Variants in MAF observed in about 807,000 individuals in gnomAD.
The protein encoded by MAF is MAF bZIP transcription factor.
Under a neutral mutation model 22.0 loss-of-function variants are expected in MAF, and 10 were observed. The observed-to-expected ratio is 0.45, with a 90% CI of 0.28 to 0.77. The LOEUF is 0.77. Among genes scored for constraint, MAF ranks in the 30% least tolerant of loss-of-function variants. MAF has a pLI of 0.12. For missense variants in MAF, 544 were observed against 548.4 expected, an observed-to-expected ratio of 0.99 and a Z score of 0.08; for synonymous variants, 337 against 255.8, an observed-to-expected ratio of 1.32 and a Z score of -3.03.
the MAF span, among the ~76,000 whole-genome samples, chr16:79,446,928 A>C: frequency 6.6e-6 from 1 of 152,192 alleles, no homozygotes; most frequent in Non-Finnish European, 1.5e-5. Flanking sequence ...GAAAAATTAA[A>C]AAAAAGAGAG....
the MAF span, among the ~76,000 whole-genome samples, chr16:79,502,718 T>TATAC: frequency 5.5e-5 from 1 of 18,160 alleles, no homozygotes; most frequent in Non-Finnish European, 1.5e-4. Flanking sequence ...AATATATATA[T>TATAC]ATATATATAT....
At chr16:79,208,319 C>G in the MAF span, among the ~76,000 whole-genome samples, 1 of 152,100 alleles carries the variant, frequency 6.6e-6, no homozygotes, top group South Asian at 2.1e-4. Flanking sequence ...TAGACACCTC[C>G]CCCGTTTCCC....
downstream of MAF, among the ~76,000 whole-genome samples, chr16:79,581,898 C>G (rs553593074): frequency 4.6e-5 from 7 of 152,330 alleles, no homozygotes; most frequent in South Asian, 1.5e-3. Context: ...CTGTAAATCT[C>G]TCAGCTGGTT....
chr16:79,223,290 A>G, the MAF span, among the ~76,000 whole-genome samples: 1 of 152,250 alleles, frequency 6.6e-6, no homozygotes, highest in African/African-American at 2.4e-5. Flanking sequence ...AAATGAAGAC[A>G]GAAATAAAGT....
the MAF span, among the ~76,000 whole-genome samples, chr16:79,454,786 C>A: frequency 6.7e-6 from 1 of 150,306 alleles, no homozygotes; most frequent in Non-Finnish European, 1.5e-5. Flanking sequence ...AACATGATTC[C>A]ATTTTTACCC....
the MAF span, among the ~76,000 whole-genome samples, chr16:79,460,132 G>A: frequency 2.0e-5 from 3 of 151,928 alleles, no homozygotes; most frequent in Admixed American, 6.6e-5. Flanking sequence ...ATTTTCGAAA[G>A]TGTTGCAAAT....
the MAF span, among the ~76,000 whole-genome samples, chr16:79,233,919 G>C: frequency 6.6e-6 from 1 of 151,210 alleles, no homozygotes; most frequent in African/African-American, 2.4e-5. Flanking sequence ...TTGAATATGG[G>C]AGGCGGAGGT....
the MAF span, among the ~76,000 whole-genome samples, chr16:79,246,711 T>C: frequency 2.0e-5 from 3 of 152,188 alleles, no homozygotes; most frequent in Non-Finnish European, 4.4e-5. Context: ...AGTCAATATG[T>C]GGTAAATAAT....
chr16:79,493,141 T>G, the MAF span, among the ~76,000 whole-genome samples: 33 of 122,672 alleles, frequency 2.7e-4, no homozygotes, highest in African/African-American at 1.5e-3. Flanking sequence ...TGTTTTTTTT[T>G]TGTTTTGTTT....
At chr16:79,459,733 T>A in the MAF span, among the ~76,000 whole-genome samples, 1 of 152,042 alleles carries the variant, frequency 6.6e-6, no homozygotes, top group African/African-American at 2.4e-5. Flanking sequence ...CCACCATGCC[T>A]GGCTAATTTT....
the MAF span, among the ~76,000 whole-genome samples, chr16:79,507,808 C>T: frequency 1.3e-5 from 2 of 152,274 alleles, no homozygotes; most frequent in Middle Eastern, 3.4e-3. Context: ...ATAAGGGTTG[C>T]CAAATATCCC....
chr16:79,537,507 C>G, the MAF span, among the ~76,000 whole-genome samples: 2 of 152,218 alleles, frequency 1.3e-5, no homozygotes, highest in Admixed American at 6.5e-5. Flanking sequence ...GTTCGTGCGG[C>G]TGAGTCTTCA....
At chr16:79,385,675 T>G in the MAF span, among the ~76,000 whole-genome samples, 2 of 152,078 alleles carry the variant, frequency 1.3e-5, no homozygotes, top group Non-Finnish European at 2.9e-5. Context: ...CTGCGGCAGG[T>G]GGATCACTTA....
the MAF span, among the ~76,000 whole-genome samples, chr16:79,241,916 A>G: frequency 6.6e-6 from 1 of 152,194 alleles, no homozygotes; most frequent in Admixed American, 6.5e-5. Context: ...AGAATTTTCA[A>G]CCCAGAATTT....
the MAF span, among the ~76,000 whole-genome samples, chr16:79,319,102 A>T: frequency 1.3e-5 from 2 of 152,142 alleles, no homozygotes; most frequent in African/African-American, 4.8e-5. Flanking sequence ...AAGCAGGCAC[A>T]CTTTCCCTAA....
chr16:79,502,710 T>TATAAATATATATATATATAA, the MAF span, among the ~76,000 whole-genome samples: 1 of 16,596 alleles, frequency 6.0e-5, no homozygotes, highest in Admixed American at 6.8e-4. Context: ...TAAATATAAA[T>TATAAATATATATATATATAA]ATATATATAT....
At chr16:79,560,491 C>T in the MAF span, among the ~76,000 whole-genome samples, 2 of 151,570 alleles carry the variant, frequency 1.3e-5, no homozygotes, top group African/African-American at 4.8e-5. Context: ...TTGAAGGATC[C>T]CAGGAACTAT....
the MAF span, among the ~76,000 whole-genome samples, chr16:79,382,022 C>T: frequency 1.3e-5 from 2 of 152,204 alleles, no homozygotes; most frequent in African/African-American, 4.8e-5. Flanking sequence ...CGCTGCTTCT[C>T]TTTCCTTTCC....
chr16:79,232,723 C>A, the MAF span, among the ~76,000 whole-genome samples: 5 of 152,052 alleles, frequency 3.3e-5, no homozygotes, highest in South Asian at 2.1e-4. Flanking sequence ...TGCAGCTGAG[C>A]CTTCCCTCCC....
Sources: gnomAD v4.1 joint callset for allele counts (sites outside exome capture counted in the v4.1 genomes callset) on GRCh38, gnomAD v4.1.1 for gene constraint, MANE v1.5 for transcripts, NCBI Gene and HGNC (gene_info 2026-07-23, HGNC 2026-07-21) for gene names.